ZNF423: variants seen among roughly 807,000 people sequenced by gnomAD.
ZNF423 encodes Ebf-associated zinc finger protein.
Under a neutral mutation model 95.8 loss-of-function variants are expected in ZNF423, and 12 were observed. That is an observed-to-expected ratio of 0.13 (90% CI 0.08 to 0.20). The LOEUF is 0.20. Ranked by LOEUF, ZNF423 falls within the 10% of genes least tolerant of loss-of-function variation. ZNF423 has a pLI of 1.00. For missense variants in ZNF423, 1,316 were observed against 1,737.1 expected, an observed-to-expected ratio of 0.76 and a Z score of 4.31; for synonymous variants, 749 against 711.9, an observed-to-expected ratio of 1.05 and a Z score of -0.83.
At chr16:49,698,791 C>A (rs570844269) in intron 3 of ZNF423, among the ~76,000 whole-genome samples, 18 of 152,334 alleles carry the variant, frequency 1.2e-4, no homozygotes, top group African/African-American at 4.3e-4. Context: ...CGAGCCCGGC[C>A]GCCGGAGCCG....
chr16:49,569,440 C>G (rs947522528), intron 5 of ZNF423, among the ~76,000 whole-genome samples: 85 of 152,294 alleles, frequency 5.6e-4, no homozygotes, highest in Non-Finnish European at 1.1e-3. Flanking sequence ...GGCAGCATGG[C>G]AGAGTGAAAA....
chr16:49,797,869 T>C (rs149199884), intron 1 of ZNF423, among the ~76,000 whole-genome samples: 123 of 152,128 alleles, frequency 8.1e-4, no homozygotes, highest in Non-Finnish European at 1.2e-3. Flanking sequence ...TGCCCCCCAA[T>C]ATATGGGCAT....
intron 1 of ZNF423, among the ~76,000 whole-genome samples, chr16:49,835,522 T>A (rs768221731): frequency 1.8e-4 from 28 of 152,142 alleles, no homozygotes; most frequent in Non-Finnish European, 4.0e-4. Context: ...CACAGACCCC[T>A]CAGAGACAGG....
chr16:49,515,595 C>A (rs1051792871), intron 7 of ZNF423, among the ~76,000 whole-genome samples: 8 of 152,188 alleles, frequency 5.3e-5, no homozygotes, highest in Non-Finnish European at 8.8e-5. Flanking sequence ...TGTACACAAT[C>A]CATGCAAAGT....
intron 5 of ZNF423, among the ~76,000 whole-genome samples, chr16:49,617,726 C>G (rs1189376578): frequency 6.6e-6 from 1 of 152,172 alleles, no homozygotes; most frequent in Non-Finnish European, 1.5e-5. Flanking sequence ...TCCCTCCTCT[C>G]CCAGCCTGGA....
intron 5 of ZNF423, among the ~76,000 whole-genome samples, chr16:49,585,487 T>G (rs1970802761): frequency 6.6e-6 from 1 of 152,194 alleles, no homozygotes; most frequent in African/African-American, 2.4e-5. Flanking sequence ...GAGGTATTTT[T>G]TAGTTGCATG....
Position 49,856,001 on chromosome 16 carries a change from G to A in ZNF423, c.-227C>T, listed in dbSNP as rs2035364280. On this transcript the variant is annotated 5_prime_UTR_variant, in exon 1 of 8. Coordinates refer to ENST00000563137, the MANE Select transcript of ZNF423 (RefSeq NM_001379286.1). ...CGCTCGAAGGCGGGGGGAGGCCCGGGGGGCGCGCCGGGGCCCTGCCTGTTG... is the reference window on the plus strand; with the variant it reads ...CGCTCGAAGGCGGGGGGAGGCCCGGAGGGCGCGCCGGGGCCCTGCCTGTTG... 1 of 150,754 alleles carries A rather than the reference G, an allele frequency of 6.6e-6. No individual in the cohort carries two copies. The highest frequency in any genetic ancestry group is 1.5e-5 in the Non-Finnish European group (1 of 67,476). The allele number at this position is 150,754 out of a possible 1,614,324, so 9.3% of individuals were successfully genotyped here.
At chr16:49,558,748 C>T (rs551954841) in intron 5 of ZNF423, among the ~76,000 whole-genome samples, 51 of 152,328 alleles carry the variant, frequency 3.3e-4, no homozygotes, top group African/African-American at 1.1e-3. Flanking sequence ...CAATTAAGCT[C>T]AGTGTGTATT....
chr16:49,655,936 T>C (rs1188229521), intron 3 of ZNF423, among the ~76,000 whole-genome samples: 1 of 152,156 alleles, frequency 6.6e-6, no homozygotes, highest in African/African-American at 2.4e-5. Context: ...ACGAGGTAAC[T>C]CCAGTGGGGT....
At chr16:49,550,408 A>C (rs1360478887) in intron 5 of ZNF423, among the ~76,000 whole-genome samples, 1 of 152,040 alleles carries the variant, frequency 6.6e-6, no homozygotes. Context: ...AGTTGATTTC[A>C]TGATTTGCTA....
intron 2 of ZNF423, among the ~76,000 whole-genome samples, chr16:49,778,913 G>A (rs758627416): frequency 3.9e-5 from 6 of 152,180 alleles, no homozygotes; most frequent in Non-Finnish European, 8.8e-5. Flanking sequence ...CCTCACAATG[G>A]CCTTAGGAAG....
chr16:49,686,305 C>T (rs1208587087), intron 3 of ZNF423, among the ~76,000 whole-genome samples: 1 of 152,142 alleles, frequency 6.6e-6, no homozygotes, highest in Non-Finnish European at 1.5e-5. Context: ...GGCAGGAAGG[C>T]CAGCCTCGCA....
At chr16:49,672,042 G>A (rs1431685820) in intron 3 of ZNF423, among the ~76,000 whole-genome samples, 1 of 152,080 alleles carries the variant, frequency 6.6e-6, no homozygotes, top group Non-Finnish European at 1.5e-5. Context: ...CGTCAGATGT[G>A]GTCCAAAATT....
intron 5 of ZNF423, among the ~76,000 whole-genome samples, chr16:49,610,005 C>T (rs1971671798): frequency 6.6e-6 from 1 of 152,090 alleles, no homozygotes; most frequent in African/African-American, 2.4e-5. Flanking sequence ...CATTAGAAAC[C>T]ATGGAGGCAA....
chr16:49,532,435 C>G (rs1968882235), intron 5 of ZNF423, among the ~76,000 whole-genome samples: 1 of 152,192 alleles, frequency 6.6e-6, no homozygotes. Flanking sequence ...TGTGCCCTTC[C>G]TCCTCCCCCT....
chr16:49,569,634 TC>T (rs1304692087), intron 5 of ZNF423, among the ~76,000 whole-genome samples: 1 of 152,228 alleles, frequency 6.6e-6, no homozygotes, highest in Non-Finnish European at 1.5e-5. Flanking sequence ...CTCTGGGCCT[TC>T]CACTGTCACA....
chr16:49,859,222 G>A (rs1333375659), upstream of ZNF423, among the ~76,000 whole-genome samples: 3 of 152,064 alleles, frequency 2.0e-5, no homozygotes, highest in African/African-American at 7.2e-5. Context: ...GGAGGTGGGG[G>A]CAACAGGATG....
intron 5 of ZNF423, among the ~76,000 whole-genome samples, chr16:49,618,596 T>C (rs1436937062): frequency 2.0e-5 from 3 of 152,160 alleles, no homozygotes; most frequent in Admixed American, 6.5e-5. Flanking sequence ...GATTGTAAGT[T>C]TCCTGAGGCC....
chr16:49,678,897 T>C (rs1256716524), intron 3 of ZNF423, among the ~76,000 whole-genome samples: 1 of 152,188 alleles, frequency 6.6e-6, no homozygotes, highest in Non-Finnish European at 1.5e-5. Context: ...TCTCAATCCA[T>C]ACAAATGCTC....
Sources: gnomAD v4.1 joint callset for allele counts (sites outside exome capture counted in the v4.1 genomes callset) on GRCh38, gnomAD v4.1.1 for gene constraint, MANE v1.5 for transcripts, NCBI Gene and HGNC (gene_info 2026-07-23, HGNC 2026-07-21) for gene names.